The following SIPA1L2 variants were observed in gnomAD, a reference collection of about 807,000 sequenced individuals.
SIPA1L2 encodes signal-induced proliferation-associated 1-like protein 2.
Under a neutral mutation model 163.9 loss-of-function variants are expected in SIPA1L2, and 56 were observed. The ratio of observed to expected loss-of-function variants is 0.34; its 90% CI spans 0.28 to 0.43. The LOEUF (loss-of-function observed/expected upper bound fraction) is 0.43, where lower values mean the gene tolerates loss of function less well. SIPA1L2 is among the 20% of genes least tolerant of loss of function. SIPA1L2 has a pLI of 1.00. For synonymous variants in SIPA1L2, 877 were observed against 865.7 expected (o/e 1.01, Z -0.23); for missense variants, 1,974 against 2,193.5 (o/e 0.90, Z 2.00).
chr1:232,594,910 C>T (rs1245665130), intron 1 of SIPA1L2, among the ~76,000 whole-genome samples: 1 of 152,194 alleles, frequency 6.6e-6, no homozygotes, highest in Non-Finnish European at 1.5e-5. Flanking sequence ...GCAGCGCCCA[C>T]ACCCAGGCTG....
chr1:232,449,411 G>A (rs1039139956), intron 10 of SIPA1L2, among the ~76,000 whole-genome samples: 5 of 151,888 alleles, frequency 3.3e-5, no homozygotes, highest in South Asian at 2.1e-4. Context: ...CCAGCTACTC[G>A]GGAGGCTGAG....
chr1:232,412,239 G>C (rs1660998550), intron 19 of SIPA1L2, among the ~76,000 whole-genome samples: 1 of 152,134 alleles, frequency 6.6e-6, no homozygotes, highest in Admixed American at 6.5e-5. Flanking sequence ...AGACTAATGG[G>C]GGAGAGGCAA....
At chr1:232,580,987 C>T (rs1388285280) in intron 1 of SIPA1L2, among the ~76,000 whole-genome samples, 1 of 152,074 alleles carries the variant, frequency 6.6e-6, no homozygotes, top group Non-Finnish European at 1.5e-5. Flanking sequence ...CATGAATGGC[C>T]CATAGCACCT....
At chr1:232,543,386 GCCTGCCTCT>G (rs1657812664) in intron 2 of SIPA1L2, among the ~76,000 whole-genome samples, 1 of 152,074 alleles carries the variant, frequency 6.6e-6, no homozygotes, top group Admixed American at 6.5e-5. Context: ...CACTGCGTGT[GCCTGCCTCT>G]CCTGGCCCCT....
intron 15 of SIPA1L2, among the ~76,000 whole-genome samples, chr1:232,435,936 C>T (rs1227100030): frequency 6.6e-6 from 1 of 152,126 alleles, no homozygotes; most frequent in Non-Finnish European, 1.5e-5. Flanking sequence ...CAATTCTGTA[C>T]TTATTTAACT....
intron 5 of SIPA1L2, among the ~76,000 whole-genome samples, chr1:232,486,151 G>C (rs561426961): frequency 2.0e-4 from 30 of 152,160 alleles, no homozygotes; most frequent in Non-Finnish European, 3.5e-4. Context: ...TCTTAAATGA[G>C]GAGTCCTGGA....
At chr1:232,422,234 T>G (rs1661617394) in intron 18 of SIPA1L2, among the ~76,000 whole-genome samples, 1 of 152,180 alleles carries the variant, frequency 6.6e-6, no homozygotes. Flanking sequence ...TCAGGTGATA[T>G]TTGCATACCT....
intron 18 of SIPA1L2, among the ~76,000 whole-genome samples, chr1:232,416,929 A>T (rs1293689405): frequency 2.0e-5 from 3 of 152,220 alleles, no homozygotes; most frequent in Non-Finnish European, 2.9e-5. Context: ...GTTGTTAAGA[A>T]CTTATTACGC....
chr1:232,583,579 A>AT (rs1265709869), intron 1 of SIPA1L2, among the ~76,000 whole-genome samples: 1 of 152,202 alleles, frequency 6.6e-6, no homozygotes, highest in Non-Finnish European at 1.5e-5. Flanking sequence ...TGCCATAAAC[A>AT]TTTCAAGACT....
At chr1:232,462,735 C>A (rs1046338910) in intron 9 of SIPA1L2, among the ~76,000 whole-genome samples, 10 of 152,058 alleles carry the variant, frequency 6.6e-5, no homozygotes, top group African/African-American at 2.2e-4. Flanking sequence ...TAAGATGTAC[C>A]CAGCCTTCTT....
At position 232,400,003 on chromosome 1, in the gene SIPA1L2, G is replaced by A. The variant is rs150438216; in HGVS notation, c.5023-730C>T. Among the ~76,000 whole-genome samples the A allele has an allele frequency of 2.6e-4, 40 of 152,244 alleles. 1 individual carries two copies. In the East Asian group the frequency reaches 2.7e-3, roughly 10 times the overall value. On this transcript the variant is annotated intron_variant, in intron 22 of 22. Coordinates refer to ENST00000674635, the MANE Select transcript of SIPA1L2 (RefSeq NM_020808.5). ...TGTGCAGGAGCATTGAGTGAGGTGA[G>A]TGGACGCCCCCACCCTTGGCATATC...
intron 10 of SIPA1L2, among the ~76,000 whole-genome samples, chr1:232,456,223 A>G (rs1663909401): frequency 6.6e-6 from 1 of 152,218 alleles, no homozygotes; most frequent in Admixed American, 6.5e-5. Flanking sequence ...TATTTTATAT[A>G]TGTATGTGTG....
rs1663313427 is a variant in SIPA1L2 at position 232,630,120 on chromosome 1, CG to C, written c.-571del. On this transcript the variant is annotated 5_prime_UTR_variant, in exon 1 of 23. Transcript: ENST00000674635. ...CTCCTCTCGCTCCGCCAGCTCCTCCCGGGCTCCCAGTCTGCCGCGCCGGCTC... is the reference window on the plus strand; with the variant it reads ...CTCCTCTCGCTCCGCCAGCTCCTCCCGGCTCCCAGTCTGCCGCGCCGGCTC... 6.6e-6 allele frequency among the ~76,000 whole-genome samples: 1 copy of C among 151,280 alleles called. No homozygotes were observed. Among genetic ancestry groups the C allele is most frequent in the Admixed American group, 6.6e-5 (1 of 15,196 alleles).
rs901754327 is a variant in SIPA1L2 at position 232,630,034 on chromosome 1, G to A, written c.-484C>T. On this transcript the variant is annotated 5_prime_UTR_variant, in exon 1 of 23. Transcript: ENST00000674635. ...GGCCCGGACCCGCTGGCTGCGGCTG[G>A]AGCTCTCGGCCTGCGCTCGGGCGGC... 6.7e-6 allele frequency among the ~76,000 whole-genome samples: 1 copy of A among 150,074 alleles called. No individual in the cohort carries two copies. The highest frequency in any genetic ancestry group is 2.4e-5 in the African/African-American group (1 of 41,162).
chr1:232,533,861 G>T (rs1657131565), intron 2 of SIPA1L2, among the ~76,000 whole-genome samples: 2 of 152,044 alleles, frequency 1.3e-5, no homozygotes, highest in Admixed American at 1.3e-4. Context: ...TACCTCCAAA[G>T]GTATACTCTT....
intron 19 of SIPA1L2, among the ~76,000 whole-genome samples, chr1:232,406,291 G>T (rs1045547401): frequency 6.6e-6 from 1 of 152,210 alleles, no homozygotes; most frequent in Non-Finnish European, 1.5e-5. Flanking sequence ...GGTTGGTACA[G>T]ATCCAATCAC....
chr1:232,592,967 G>A (rs1439501639), intron 1 of SIPA1L2, among the ~76,000 whole-genome samples: 1 of 152,056 alleles, frequency 6.6e-6, no homozygotes, highest in Admixed American at 6.6e-5. Flanking sequence ...GGAAATTCTC[G>A]GTTTTAATAG....
At chr1:232,432,497 G>T (rs994122244) in intron 15 of SIPA1L2, 26 bp from the exon 16 acceptor site, 43 of 1,597,282 alleles carry the variant, frequency 2.7e-5, no homozygotes, top group Non-Finnish European at 3.5e-5. Flanking sequence ...GACAAAAGCT[G>T]CAATACAATC....
intron 10 of SIPA1L2, among the ~76,000 whole-genome samples, chr1:232,451,977 T>C (rs1663609797): frequency 7.5e-6 from 1 of 133,516 alleles, no homozygotes; most frequent in Non-Finnish European, 1.6e-5. Context: ...AGGCAAAACA[T>C]TCTGTAGACC....
Sources: allele counts gnomAD v4.1 joint callset (sites outside exome capture counted in the v4.1 genomes callset), GRCh38; gene constraint gnomAD v4.1.1; transcripts MANE v1.5; gene names NCBI Gene and HGNC (gene_info 2026-07-23, HGNC 2026-07-21).